Variants in IQCM observed in about 807,000 individuals in gnomAD.
IQCM encodes the protein IQ motif containing M, also known as IQ domain-containing protein M.
A neutral mutation model predicts 57.6 loss-of-function variants in IQCM; 45 were observed. That is an observed-to-expected ratio of 0.78 (90% CI 0.62 to 1.00). The LOEUF (loss-of-function observed/expected upper bound fraction) is 1.00. Among genes scored for constraint, IQCM ranks in the 50% least tolerant of loss-of-function variants. IQCM has a pLI of 0.00. For missense variants in IQCM, 468 were observed against 511.6 expected (o/e 0.91, Z 0.82); for synonymous variants, 148 against 158.9 (o/e 0.93, Z 0.51).
intron 5 of IQCM, among the ~76,000 whole-genome samples, chr4:149,699,402 G>A (rs2149810041): frequency 6.6e-6 from 1 of 152,052 alleles, no homozygotes; most frequent in East Asian, 1.9e-4. Context: ...TTGCCCAGAA[G>A]AAATGTGTTT....
chr4:149,442,450 T>C (rs145004171), intron 12 of IQCM, among the ~76,000 whole-genome samples: 12 of 152,186 alleles, frequency 7.9e-5, no homozygotes, highest in African/African-American at 2.6e-4. Context: ...AAAAACAGGC[T>C]GCACATTCAA....
chr4:149,726,116 AAAGAAAGAAAGAAAGAAAGAAAGAAAAG>A (rs1765895557), intron 5 of IQCM, among the ~76,000 whole-genome samples: 1 of 148,754 alleles, frequency 6.7e-6, no homozygotes, highest in African/African-American at 2.5e-5. Flanking sequence ...AGAAAGAAAG[AAAGAAAGAAAGAAAGAAAGAAAGAAAAG>A]AAAGAAAGAA....
chr4:149,691,776 C>A (rs1762957206), intron 5 of IQCM: 1 of 152,040 alleles, frequency 6.6e-6, no homozygotes, highest in Admixed American at 6.6e-5. Context: ...GAGCAGGGAA[C>A]AGGTTCACTA....
intron 7 of IQCM, among the ~76,000 whole-genome samples, chr4:149,675,899 CT>C (rs1761708259): frequency 6.6e-6 from 1 of 151,988 alleles, no homozygotes. Flanking sequence ...CCATTTCATT[CT>C]TTCCTTGAGG....
At chr4:149,743,003 T>C (rs1767598789) in intron 2 of IQCM, among the ~76,000 whole-genome samples, 1 of 152,104 alleles carries the variant, frequency 6.6e-6, no homozygotes, top group African/African-American at 2.4e-5. Context: ...TATGAATATT[T>C]GGCAGATGTG....
At chr4:149,541,931 A>G (rs187906043) in intron 12 of IQCM, among the ~76,000 whole-genome samples, 8 of 152,236 alleles carry the variant, frequency 5.3e-5, no homozygotes, top group African/African-American at 1.4e-4. Context: ...GAGCTATTAT[A>G]CACAATCAAA....
At position 149,491,000 on chromosome 4, in the gene IQCM, C is replaced by T. The variant is rs190137920; in HGVS notation, c.1229-57443G>A. On this transcript the variant is annotated intron_variant, in intron 12 of 13. Transcript: ENST00000636793. ...TATGGGACTCGCCTGGCCTCTTATG[C>T]TCATAAAGTACGTGAGTGGAACTGA... 3.5e-3 allele frequency among the ~76,000 whole-genome samples: 527 copies of T among 152,166 alleles called. 2 individuals carry two copies. The highest frequency in any genetic ancestry group is 0.014 in the Middle Eastern group (4 of 294).
At chr4:149,352,515 A>G (rs529597883) in intron 13 of IQCM, among the ~76,000 whole-genome samples, 70 of 152,206 alleles carry the variant, frequency 4.6e-4, no homozygotes, top group Non-Finnish European at 1.3e-4. Flanking sequence ...TAAACTAGAG[A>G]TGATTTAAAG....
chr4:149,580,072 C>A (rs1441897400), intron 9 of IQCM, among the ~76,000 whole-genome samples: 1 of 151,656 alleles, frequency 6.6e-6, no homozygotes, highest in East Asian at 1.9e-4. Context: ...CAGGCCATTT[C>A]GATTCTACTA....
intron 13 of IQCM, among the ~76,000 whole-genome samples, chr4:149,367,443 C>T (rs1729921076): frequency 6.6e-6 from 1 of 151,892 alleles, no homozygotes. Context: ...ATACTATTCA[C>T]ATTTTGACTT....
chr4:149,777,542 T>C (rs1771207570), intron 2 of IQCM, among the ~76,000 whole-genome samples: 1 of 152,186 alleles, frequency 6.6e-6, no homozygotes, highest in Middle Eastern at 3.2e-3. Flanking sequence ...ATTAAAATAA[T>C]TTTCATTTCA....
At chr4:149,625,872 C>T (rs1579753449) in intron 7 of IQCM, among the ~76,000 whole-genome samples, 1 of 152,142 alleles carries the variant, frequency 6.6e-6, no homozygotes, top group Middle Eastern at 3.4e-3. Context: ...CTGACAGATT[C>T]GATAGACTAA....
chr4:149,436,814 T>TAC (rs2111299410), intron 12 of IQCM, among the ~76,000 whole-genome samples: 1 of 152,182 alleles, frequency 6.6e-6, no homozygotes, highest in Admixed American at 6.6e-5. Context: ...TCCTTACCCC[T>TAC]ACCTCACCAG....
At chr4:149,515,210 T>C (rs1744830536) in intron 12 of IQCM, among the ~76,000 whole-genome samples, 1 of 151,860 alleles carries the variant, frequency 6.6e-6, no homozygotes, top group South Asian at 2.1e-4. Flanking sequence ...GAGAGGCAGC[T>C]CTTGGCCTGT....
intron 12 of IQCM, among the ~76,000 whole-genome samples, chr4:149,500,226 T>A (rs1170307703): frequency 6.6e-6 from 1 of 152,152 alleles, no homozygotes; most frequent in Non-Finnish European, 1.5e-5. Flanking sequence ...GTGGGAGAGA[T>A]CTCTGCAGAG....
At chr4:149,711,815 C>G (rs1764582082) in intron 5 of IQCM, among the ~76,000 whole-genome samples, 1 of 152,168 alleles carries the variant, frequency 6.6e-6, no homozygotes, top group Non-Finnish European at 1.5e-5. Flanking sequence ...ACCATCAACT[C>G]AGTCACATTG....
chr4:149,653,885 G>T (rs558918396), intron 7 of IQCM, among the ~76,000 whole-genome samples: 9 of 151,978 alleles, frequency 5.9e-5, no homozygotes, highest in Non-Finnish European at 1.3e-4. Flanking sequence ...CTACTCAATT[G>T]TAACTGGGAA....
At chr4:149,621,391 T>A in intron 7 of IQCM, 147 bp from the exon 8 acceptor site, 1 of 402,768 alleles carries the variant, frequency 2.5e-6, no homozygotes. Flanking sequence ...CATCTAATCG[T>A]AGAGAAATGA....
At chr4:149,670,937 T>TCC (rs1344602773) in intron 7 of IQCM, among the ~76,000 whole-genome samples, 2 of 130,020 alleles carry the variant, frequency 1.5e-5, no homozygotes, top group Non-Finnish European at 3.5e-5. Flanking sequence ...TCTAAAATTC[T>TCC]CTCTTTTTTT....
Sources: allele counts gnomAD v4.1 joint callset (sites outside exome capture counted in the v4.1 genomes callset), GRCh38; gene constraint gnomAD v4.1.1; transcripts MANE v1.5; gene names NCBI Gene and HGNC (gene_info 2026-07-23, HGNC 2026-07-21).